Variants in PLA2G7 observed in about 807,000 individuals in gnomAD.
The protein encoded by PLA2G7 is platelet-activating factor acetylhydrolase.
Under a neutral mutation model 49.6 loss-of-function variants are expected in PLA2G7, and 63 were observed. The ratio of observed to expected loss-of-function variants is 1.27; its 90% confidence interval spans 1.04 to 1.57. The LOEUF (loss-of-function observed/expected upper bound fraction) is 1.57, where lower values mean the gene tolerates loss of function less well. Ranked by LOEUF, PLA2G7 falls within the 40% of genes most tolerant of loss-of-function variation. PLA2G7 has a pLI of 0.00. For missense variants in PLA2G7, 596 were observed against 521.2 expected (o/e 1.14, Z -1.40); for synonymous variants, 193 against 169.9 (o/e 1.14, Z -1.06).
At chr6:46,716,115 T>C (rs1395443691) in intron 4 of PLA2G7, among the ~76,000 whole-genome samples, 2 of 152,212 alleles carry the variant, frequency 1.3e-5, no homozygotes, top group Non-Finnish European at 2.9e-5. Flanking sequence ...CTCCATGGTA[T>C]GTCAGATGAA....
intron 6 of PLA2G7, 47 bp from the exon 7 acceptor site, chr6:46,711,666 T>C (rs1765029207): frequency 1.9e-6 from 3 of 1,602,084 alleles, no homozygotes; most frequent in Non-Finnish European, 2.6e-6. Flanking sequence ...CTTCCCTTCC[T>C]CATCTGACCC....
intron 2 of PLA2G7, among the ~76,000 whole-genome samples, chr6:46,720,437 C>T (rs530060805): frequency 7.2e-5 from 11 of 152,338 alleles, no homozygotes; most frequent in African/African-American, 2.6e-4. Context: ...TTCCAGGACA[C>T]CTGACCTCTG....
intron 1 of PLA2G7, among the ~76,000 whole-genome samples, chr6:46,734,421 A>T (rs3997239): frequency 0.51 from 5,210 of 10,118 alleles, 402 homozygotes; most frequent in Middle Eastern, 0.57. Context: ...TGTGTGAGAG[A>T]GAGAGAGAGA....
intron 1 of PLA2G7, among the ~76,000 whole-genome samples, chr6:46,732,551 T>C (rs1232693371): frequency 6.6e-6 from 1 of 152,182 alleles, no homozygotes; most frequent in Non-Finnish European, 1.5e-5. Flanking sequence ...ACTTAGGATC[T>C]GATCAATAAA....
At chr6:46,715,857 A>G (rs529855616) in intron 4 of PLA2G7, among the ~76,000 whole-genome samples, 1 of 152,352 alleles carries the variant, frequency 6.6e-6, no homozygotes, top group South Asian at 2.1e-4. Context: ...AAAAGTCTAT[A>G]TTAGCAGAAT....
At chr6:46,707,441 G>A (rs77362396) in intron 10 of PLA2G7, among the ~76,000 whole-genome samples, 1 of 152,292 alleles carries the variant, frequency 6.6e-6, no homozygotes, top group East Asian at 1.9e-4. Context: ...GGGACTGGTG[G>A]GAGGTGATTG....
chr6:46,731,947 G>A (rs969570021), intron 1 of PLA2G7, among the ~76,000 whole-genome samples: 1 of 152,024 alleles, frequency 6.6e-6, no homozygotes, highest in Non-Finnish European at 1.5e-5. Flanking sequence ...GCCTTCTTCT[G>A]TCCCCTCTCC....
intron 1 of PLA2G7, among the ~76,000 whole-genome samples, chr6:46,732,586 T>C (rs1011414912): frequency 2.0e-5 from 3 of 152,190 alleles, no homozygotes; most frequent in Non-Finnish European, 2.9e-5. Context: ...AATGAATGAA[T>C]GAATACAAGT....
chr6:46,714,331 T>G, intron 5 of PLA2G7, 129 bp downstream of exon 5: 1 of 759,466 alleles, frequency 1.3e-6, no homozygotes, highest in Non-Finnish European at 2.4e-6. Context: ...CCACAGCCAA[T>G]TATTGAGGAA....
chr6:46,734,703 G>A (rs558479482), intron 1 of PLA2G7, among the ~76,000 whole-genome samples: 4 of 152,018 alleles, frequency 2.6e-5, no homozygotes, highest in Admixed American at 2.6e-4. Flanking sequence ...CACGCCAGCA[G>A]TCCCAGCTAC....
At chr6:46,729,839 G>C (rs925374950) in intron 1 of PLA2G7, among the ~76,000 whole-genome samples, 1 of 152,202 alleles carries the variant, frequency 6.6e-6, no homozygotes, top group African/African-American at 2.4e-5. Flanking sequence ...CCCCTGGAGT[G>C]GGGGCATAAA....
chr6:46,720,139 C>T (rs948505163), intron 2 of PLA2G7, among the ~76,000 whole-genome samples: 1 of 152,152 alleles, frequency 6.6e-6, no homozygotes, highest in African/African-American at 2.4e-5. Flanking sequence ...GCATGGTGTG[C>T]CTGTGCAGGG....
chr6:46,722,606 A>G (rs532029299), intron 2 of PLA2G7, among the ~76,000 whole-genome samples, 177 bp downstream of exon 2: 1 of 152,322 alleles, frequency 6.6e-6, no homozygotes, highest in Admixed American at 6.5e-5. Flanking sequence ...TGCTTCTTCA[A>G]TTTCAGTTGA....
At chr6:46,727,569 G>A (rs1397887276) in intron 1 of PLA2G7, among the ~76,000 whole-genome samples, 4 of 152,202 alleles carry the variant, frequency 2.6e-5, no homozygotes. Flanking sequence ...CCCAGAACAT[G>A]TGAATATGTA....
intron 3 of PLA2G7, 138 bp downstream of exon 3, chr6:46,716,836 GC>G (rs1281619842): frequency 1.2e-6 from 1 of 859,182 alleles, no homozygotes; most frequent in Admixed American, 1.9e-5. Flanking sequence ...ACTAGTAAAA[GC>G]CTTCATATGA....
chr6:46,727,154 C>T (rs1261243591), intron 1 of PLA2G7, among the ~76,000 whole-genome samples: 1 of 152,164 alleles, frequency 6.6e-6, no homozygotes, highest in African/African-American at 2.4e-5. Flanking sequence ...CCACTGAAAC[C>T]ACAGTGCCCT....
intron 2 of PLA2G7, among the ~76,000 whole-genome samples, chr6:46,717,937 T>C (rs1350359929): frequency 6.6e-6 from 1 of 152,088 alleles, no homozygotes; most frequent in Non-Finnish European, 1.5e-5. Flanking sequence ...AGAATGGTCT[T>C]GATCTCCTGA....
chr6:46,716,541 A>C lies in PLA2G7; in HGVS notation c.232-13T>G. 6.2e-7 allele frequency: 1 copy of C among 1,613,012 alleles called. No individual in the cohort carries two copies. The highest frequency in any genetic ancestry group is 1.3e-5 in the African/African-American group (1 of 75,034). ...GCAAGAAGGTGCCCTGTTAAGAAAG[A>C]AATTAATGCACTTTTAGAGAAGTTG... On this transcript the variant is annotated splice_polypyrimidine_tract_variant and intron_variant, in intron 3 of 11. Transcript: ENST00000274793.
In PLA2G7 at chr6:46,708,163, T is replaced by C. The variant is rs757871876; in HGVS notation, c.870-2A>G. 3 of 1,606,542 alleles carry C rather than the reference T, an allele frequency of 1.9e-6. No homozygotes were observed. The East Asian group carries it at 6.7e-5, about 36-fold the overall frequency. ...CATGCATCCAGGGCAATACCACATC[T>C]GTAGATATTTGTTGACAATGATGAA... On this transcript the variant is annotated splice_acceptor_variant, in intron 9 of 11. Transcript: ENST00000274793. LOFTEE classifies it high-confidence loss of function.
Sources: gnomAD v4.1 joint callset for allele counts (sites outside exome capture counted in the v4.1 genomes callset) on GRCh38, gnomAD v4.1.1 for gene constraint, MANE v1.5 for transcripts, NCBI Gene and HGNC (gene_info 2026-07-23, HGNC 2026-07-21) for gene names.